Variants in UBA3 observed in about 807,000 individuals in gnomAD.
The protein encoded by UBA3 is NEDD8-activating enzyme E1 catalytic subunit.
In UBA3, 26 loss-of-function variants were observed where a neutral mutation model predicts 73.5. That is an observed-to-expected ratio of 0.35 (90% CI 0.26 to 0.49). The LOEUF (loss-of-function observed/expected upper bound fraction) is 0.49. Ranked by LOEUF, UBA3 falls within the 20% of genes least tolerant of loss-of-function variation. UBA3 has a pLI of 0.98. For synonymous variants in UBA3, 217 were observed against 191.2 expected, an observed-to-expected ratio of 1.13 and a Z score of -1.11; for missense variants, 495 against 555.6, an observed-to-expected ratio of 0.89 and a Z score of 1.10.
Position 69,055,223 on chromosome 3 carries a change from G to C in UBA3, c.*214C>G. The stretch of plus-strand genomic sequence containing the variant: ...ATTTGCTCATAATCTCTCTCTCCAG[G>C]TATCATTTCTCATATTATTAATGAA... On this transcript the variant is annotated 3_prime_UTR_variant, in exon 18 of 18. Transcript: ENST00000361055. 2.8e-6 allele frequency: 1 copy of C among 352,272 alleles called. No individual in the cohort carries two copies. The highest frequency in any genetic ancestry group is 5.2e-6 in the Non-Finnish European group (1 of 194,162). The allele number at this position is 352,272 out of a possible 1,614,324, so 21.8% of individuals were successfully genotyped here.
chr3:69,079,070 AT>A (rs2092195681), intron 2 of UBA3, among the ~76,000 whole-genome samples: 1 of 152,228 alleles, frequency 6.6e-6, no homozygotes, highest in Non-Finnish European at 1.5e-5. Flanking sequence ...TTGCCTAGCA[AT>A]AAAAACCATA....
Position 69,077,932 on chromosome 3 carries a change from A to G in UBA3, c.63-14T>C, listed in dbSNP as rs1411724270. ...TCAACAGCCATTCTGCACAGAACAC[A>G]GTAAATTCAGCTGCAAAGATCAGTA... On this transcript the variant is annotated splice_polypyrimidine_tract_variant and intron_variant, in intron 2 of 17. Transcript: ENST00000361055. 1 of 1,610,738 alleles carries G rather than the reference A, an allele frequency of 6.2e-7. No homozygotes were observed. The highest frequency in any genetic ancestry group is 8.5e-7 in the Non-Finnish European group (1 of 1,178,936).
At chr3:69,058,178 C>T (rs2091992484) in intron 11 of UBA3, among the ~76,000 whole-genome samples, 1 of 152,160 alleles carries the variant, frequency 6.6e-6, no homozygotes, top group African/African-American at 2.4e-5. Context: ...GATCCGCCCG[C>T]CCTGGCCTCC....
chr3:69,069,546 C>T (rs757940458), intron 5 of UBA3, among the ~76,000 whole-genome samples: 1 of 152,060 alleles, frequency 6.6e-6, no homozygotes, highest in Non-Finnish European at 1.5e-5. Context: ...GGGCTGGTCT[C>T]GAACTTCTGA....
chr3:69,059,334 A>G (rs1443208577), intron 11 of UBA3, among the ~76,000 whole-genome samples: 1 of 152,238 alleles, frequency 6.6e-6, no homozygotes, highest in South Asian at 2.1e-4. Flanking sequence ...GTTTGTAAAC[A>G]GCAATGGCAA....
At chr3:69,080,252 G>A (rs938035305) in intron 1 of UBA3, 82 bp downstream of exon 1, 9 of 1,559,958 alleles carry the variant, frequency 5.8e-6, no homozygotes, top group Admixed American at 5.6e-5. Context: ...TGGGGACCCC[G>A]GGTGGCGGCG....
At chr3:69,069,939 T>C (rs1270145580) in intron 5 of UBA3, among the ~76,000 whole-genome samples, 2 of 152,214 alleles carry the variant, frequency 1.3e-5, no homozygotes, top group African/African-American at 2.4e-5. Flanking sequence ...AACAATCAGA[T>C]TGCTCCACCT....
chr3:69,077,962 A>G (rs765346193), intron 2 of UBA3, 44 bp from the exon 3 acceptor site: 4 of 1,606,002 alleles, frequency 2.5e-6, no homozygotes, highest in Non-Finnish European at 3.4e-6. Flanking sequence ...TCAGTATGAA[A>G]AAAACCACAC....
chr3:69,074,330 C>T (rs1317760015), intron 4 of UBA3, among the ~76,000 whole-genome samples: 1 of 152,138 alleles, frequency 6.6e-6, no homozygotes, highest in African/African-American at 2.4e-5. Flanking sequence ...TTTGGCATTC[C>T]ACCACAGAGT....
intron 11 of UBA3, among the ~76,000 whole-genome samples, chr3:69,061,014 G>T (rs907618758): frequency 6.6e-6 from 1 of 152,192 alleles, no homozygotes; most frequent in African/African-American, 2.4e-5. Flanking sequence ...CCCAGTTTCA[G>T]ATATTCCTTT....
At chr3:69,077,507 A>C (rs1218383984) in intron 3 of UBA3, 1 of 248,892 alleles carries the variant, frequency 4.0e-6, no homozygotes, top group Non-Finnish European at 7.9e-6. Context: ...TCACAGTAGC[A>C]CTACAAAAGG....
chr3:69,058,745 G>A lies in UBA3; in HGVS notation c.911-1436C>T, dbSNP rs530202859. Among the ~76,000 whole-genome samples the A allele has an allele frequency of 5.3e-5, 8 of 152,070 alleles. No homozygotes were observed. In the East Asian group the frequency reaches 5.8e-4, roughly 11 times the overall value. ...CCTGCCACCCATACCCCTGCCCTTC[G>A]ACCAAAAAAAGCTAGAGTGGGCAGA... On this transcript the variant is annotated intron_variant, in intron 11 of 17. Coordinates refer to ENST00000361055, the MANE Select transcript of UBA3 (RefSeq NM_003968.4).
At chr3:69,069,970 C>T (rs908800607) in intron 5 of UBA3, among the ~76,000 whole-genome samples, 3 of 152,180 alleles carry the variant, frequency 2.0e-5, no homozygotes, top group African/African-American at 7.2e-5. Flanking sequence ...GCCTTTCACA[C>T]ACATCATCCT....
rs1559642144 is a variant in UBA3 at position 69,061,851 on chromosome 3, T to C, written c.873A>G (p.Gln291=). 13 of 1,610,632 alleles carry C rather than the reference T, an allele frequency of 8.1e-6. No individual in the cohort carries two copies. The highest frequency in any genetic ancestry group is 1.6e-4 in the Middle Eastern group (1 of 6,064). The change falls in exon 11 of 18, where the codon CAA becomes CAG. Residue 291 remains glutamine, a synonymous_variant. Transcript: ENST00000361055. ...IFQKSLERAS[Q]YNIRGVTYRL... is the part of the protein sequence containing the mutation. ...TATACGTAACACCCCTAATATTATA[T>C]TGTGATGCTCTCTCTAGGGATTTTT...
chr3:69,063,487 T>C lies in UBA3; in HGVS notation c.489A>G (p.Val163=). 7.1e-7 allele frequency: 1 copy of C among 1,412,434 alleles called. No individual in the cohort carries two copies. The highest frequency in any genetic ancestry group is 9.5e-7 in the Non-Finnish European group (1 of 1,047,324). The allele number at this position is 1,412,434 out of a possible 1,614,324, so 87.5% of individuals were successfully genotyped here. A position where few individuals can be genotyped will look rare whatever the true frequency, so the allele number is the denominator to read the frequency against. ...DTFYRQFHII[V]CGLDSIIARR... ...TGGCGATGATAGAGTCCAGTCCACA[T>C]ACAATAATATGAAATTCTACAAAAA... is the stretch of plus-strand genomic sequence containing the variant. The change falls in exon 8 of 18, where the codon GTA becomes GTG. Residue 163 remains valine, a synonymous_variant. Transcript: ENST00000361055.
chr3:69,060,797 C>T (rs539584243), intron 11 of UBA3, among the ~76,000 whole-genome samples: 3 of 152,284 alleles, frequency 2.0e-5, no homozygotes, highest in African/African-American at 4.8e-5. Flanking sequence ...ATATTAAGTT[C>T]ACGCAAGAGC....
intron 11 of UBA3, among the ~76,000 whole-genome samples, chr3:69,060,391 A>G (rs544182744): frequency 6.6e-6 from 1 of 152,332 alleles, no homozygotes; most frequent in East Asian, 1.9e-4. Context: ...AGTGGCTAGT[A>G]ACATCAAAGA....
chr3:69,080,322 C>T lies in UBA3; in HGVS notation c.20+12G>A. ...GCCCAGCCCGGCGCGTCTGCAGAGC[C>T]CCGGTACTTACGGCTCCTCGCCATC... is the stretch of plus-strand genomic sequence containing the variant. On this transcript the variant is annotated intron_variant, in intron 1 of 17. Transcript: ENST00000361055. The T allele has an allele frequency of 5.6e-6, 9 of 1,604,490 alleles. No homozygotes were observed. Among genetic ancestry groups the T allele is most frequent in the Non-Finnish European group, 7.6e-6 (9 of 1,177,426 alleles).
At chr3:69,077,649 T>C in intron 3 of UBA3, 149 bp downstream of exon 3, 1 of 801,196 alleles carries the variant, frequency 1.2e-6, no homozygotes, top group Non-Finnish European at 1.8e-6. Flanking sequence ...CAGTTGTGAA[T>C]ATTCAATCTC....
Sources: allele counts gnomAD v4.1 joint callset (sites outside exome capture counted in the v4.1 genomes callset), GRCh38; gene constraint gnomAD v4.1.1; transcripts MANE v1.5; gene names NCBI Gene and HGNC (gene_info 2026-07-23, HGNC 2026-07-21).